ABLIM1: variants seen among roughly 807,000 people sequenced by gnomAD.
ABLIM1 encodes the protein actin binding LIM protein 1.
A neutral mutation model predicts 107.0 loss-of-function variants in ABLIM1; 40 were observed. The observed-to-expected ratio is 0.37, with a 90% confidence interval of 0.29 to 0.49. The LOEUF is 0.49. Among genes scored for constraint, ABLIM1 ranks in the 20% least tolerant of loss-of-function variants. The probability of loss-of-function intolerance (pLI) is 0.97; values close to 1 mark genes in which losing one functional copy is unlikely to be tolerated. For synonymous variants in ABLIM1, 357 were observed against 357.3 expected (o/e 1.00, Z 0.01); for missense variants, 857 against 1,008.5 (o/e 0.85, Z 2.04).
chr10:114,551,777 G>A (rs2068092484), intron 4 of ABLIM1, among the ~76,000 whole-genome samples: 1 of 152,158 alleles, frequency 6.6e-6, no homozygotes, highest in Non-Finnish European at 1.5e-5. Flanking sequence ...TACCACGTGA[G>A]GGCTTTGTAA....
intron 2 of ABLIM1, among the ~76,000 whole-genome samples, chr10:114,596,757 A>G (rs1247821690): frequency 6.6e-6 from 1 of 152,168 alleles, no homozygotes; most frequent in African/African-American, 2.4e-5. Flanking sequence ...CTCTTGTGTA[A>G]AATGTTCAGT....
At chr10:114,538,633 T>A (rs2066292844) in intron 6 of ABLIM1, among the ~76,000 whole-genome samples, 1 of 152,118 alleles carries the variant, frequency 6.6e-6, no homozygotes, top group Admixed American at 6.5e-5. Context: ...TGCGGTGATG[T>A]GAGGAAAGGG....
chr10:114,454,712 T>C (rs2062480133), intron 12 of ABLIM1, among the ~76,000 whole-genome samples: 1 of 152,200 alleles, frequency 6.6e-6, no homozygotes, highest in Non-Finnish European at 1.5e-5. Flanking sequence ...CTGGCCTAAA[T>C]TGTCCTCCTA....
At position 114,465,808 on chromosome 10, in the gene ABLIM1, T is replaced by C; in HGVS notation, c.1331A>G (p.Asp444Gly). The change falls in exon 12 of 23, where the codon GAT (aspartate) becomes GGT (glycine). Residue 444 changes from aspartate to glycine, a missense_variant. This residue lies in a region of ABLIM1 where 381 missense variants were observed against 506.9 expected (regional missense o/e 0.75). Transcript: ENST00000533213. ...GCTCGTGGACCGATGGATCATCCGA[T>C]CCCGAACATCCTGGTACCCCTGGAA... ...PSAEGYQDVRDRMIHRSTSQG... is the reference protein window; with the variant it reads ...PSAEGYQDVRGRMIHRSTSQG... The C allele has an allele frequency of 6.2e-7, 1 of 1,614,048 alleles. No homozygotes were observed. The highest frequency in any genetic ancestry group is 8.5e-7 in the Non-Finnish European group (1 of 1,180,004).
In ABLIM1 at chr10:114,468,185, G is replaced by A; in HGVS notation, c.1307C>T (p.Ala436Val). ...ATAAAAAGAAATGGTACTTACTTCTGCTGATGGAGTAGGAGACAAAGTCCT... is the reference window on the plus strand; with the variant it reads ...ATAAAAAGAAATGGTACTTACTTCTACTGATGGAGTAGGAGACAAAGTCCT... ...SPRTLSPTPS[A>V]EGYQDVRDRM... is the part of the protein sequence containing the mutation. The change falls in exon 11 of 23, where the codon GCA becomes GTA. Residue 436 changes from alanine to valine, a missense_variant. Transcript: ENST00000533213. 1 of 1,612,910 alleles carries A rather than the reference G, an allele frequency of 6.2e-7. No homozygotes were observed. The highest frequency in any genetic ancestry group is 1.1e-5 in the South Asian group (1 of 91,060).
In ABLIM1 at chr10:114,432,162, A is replaced by G. The variant is rs2058922508; in HGVS notation, c.*4098T>C. The G allele has an allele frequency of 6.6e-6, 1 of 152,248 alleles. No individual in the cohort carries two copies. The highest frequency in any genetic ancestry group is 1.5e-5 in the Non-Finnish European group (1 of 68,044). The allele number at this position is 152,248 out of a possible 1,614,324, so 9.4% of individuals were successfully genotyped here. On this transcript the variant is annotated 3_prime_UTR_variant, in exon 23 of 23. Transcript: ENST00000533213. ...AGCACAAAAGAGCAAGCTTTGGGGC[A>G]TACTGACAAACACTTCATTGGTTAG...
intron 1 of ABLIM1, among the ~76,000 whole-genome samples, chr10:114,608,684 T>C (rs189063241): frequency 4.2e-4 from 63 of 150,050 alleles, no homozygotes; most frequent in Non-Finnish European, 4.6e-4. Flanking sequence ...AATAAATAAA[T>C]AAACAAACAA....
chr10:114,695,004 A>C (rs938218080), intron 1 of ABLIM1, among the ~76,000 whole-genome samples: 1 of 152,206 alleles, frequency 6.6e-6, no homozygotes, highest in African/African-American at 2.4e-5. Context: ...GCATTTCAAC[A>C]AGATTTCCGG....
chr10:114,749,556 G>T (rs1384713179), intron 1 of ABLIM1, among the ~76,000 whole-genome samples: 1 of 151,794 alleles, frequency 6.6e-6, no homozygotes, highest in East Asian at 1.9e-4. Context: ...GGGTACTCGT[G>T]ATTTCTTTAA....
chr10:114,681,629 T>C (rs1040402436), intron 1 of ABLIM1, among the ~76,000 whole-genome samples: 4 of 152,206 alleles, frequency 2.6e-5, no homozygotes, highest in African/African-American at 9.6e-5. Flanking sequence ...TCAATTCACA[T>C]GACAGCAGGA....
intron 17 of ABLIM1, among the ~76,000 whole-genome samples, chr10:114,442,789 G>A (rs1175141533): frequency 1.3e-5 from 2 of 152,142 alleles, no homozygotes; most frequent in African/African-American, 4.8e-5. Context: ...CTGGCATGTT[G>A]TGAACATTAA....
At chr10:114,474,722 C>T (rs2067271869) in intron 8 of ABLIM1, among the ~76,000 whole-genome samples, 1 of 152,148 alleles carries the variant, frequency 6.6e-6, no homozygotes, top group Non-Finnish European at 1.5e-5. Flanking sequence ...CACTACTCTG[C>T]TTTTGTCTCC....
intron 1 of ABLIM1, among the ~76,000 whole-genome samples, chr10:114,615,060 A>AAAAG (rs1245158108): frequency 9.9e-5 from 15 of 151,582 alleles, no homozygotes; most frequent in Middle Eastern, 3.2e-3. Flanking sequence ...CAAAAAAAAA[A>AAAAG]AAAGAAAGAA....
chr10:114,705,747 A>G (rs953377200), intron 1 of ABLIM1, among the ~76,000 whole-genome samples: 5 of 152,260 alleles, frequency 3.3e-5, no homozygotes, highest in Non-Finnish European at 5.9e-5. Context: ...CCTACCTTCC[A>G]AAGGAAGTTA....
At chr10:114,752,714 G>T (rs1305188435) in intron 1 of ABLIM1, among the ~76,000 whole-genome samples, 3 of 152,136 alleles carry the variant, frequency 2.0e-5, no homozygotes, top group Admixed American at 1.3e-4. Context: ...TCCTGAGTTA[G>T]TTTGCTGAGG....
chr10:114,781,664 G>GTATATATA, the ABLIM1 span, among the ~76,000 whole-genome samples: 467 of 143,330 alleles, frequency 3.3e-3, 1 homozygote, highest in East Asian at 6.3e-3. Flanking sequence ...ATATATGCGT[G>GTATATATA]TATATATATA....
chr10:114,440,048 G>A (rs773991744), intron 20 of ABLIM1, 34 bp downstream of exon 20: 2 of 1,613,806 alleles, frequency 1.2e-6, no homozygotes, highest in South Asian at 1.1e-5. Flanking sequence ...TTCTATCGGT[G>A]TGGCCAATTC....
At chr10:114,620,629 C>A (rs2077409049) in intron 1 of ABLIM1, among the ~76,000 whole-genome samples, 2 of 152,118 alleles carry the variant, frequency 1.3e-5, no homozygotes, top group South Asian at 4.1e-4. Context: ...CCAGGCTGGT[C>A]TTGAACTCCT....
At chr10:114,460,736 G>A (rs1054828284) in intron 12 of ABLIM1, among the ~76,000 whole-genome samples, 4 of 152,176 alleles carry the variant, frequency 2.6e-5, no homozygotes, top group Non-Finnish European at 5.9e-5. Flanking sequence ...CACTCAACAG[G>A]ATAAATAAGC....
Sources: gnomAD v4.1 joint callset for allele counts (sites outside exome capture counted in the v4.1 genomes callset) on GRCh38, gnomAD v4.1.1 for gene constraint, gnomAD v4.1.1 regional missense constraint, MANE v1.5 for transcripts, NCBI Gene and HGNC (gene_info 2026-07-23, HGNC 2026-07-21) for gene names.